Variants in CNTLN observed in about 807,000 individuals in gnomAD.
CNTLN encodes centlein.
A neutral mutation model predicts 180.0 loss-of-function variants in CNTLN; 212 were observed. That is an observed-to-expected ratio of 1.18 (90% confidence interval 1.05 to 1.32). The LOEUF (loss-of-function observed/expected upper bound fraction) is 1.32, where lower values mean the gene tolerates loss of function less well. CNTLN is among the 40% of genes most tolerant of loss of function. The pLI, the probability that CNTLN is intolerant of heterozygous loss-of-function variation, is 0.00. For synonymous variants in CNTLN, 722 were observed against 563.1 expected (o/e 1.28, Z -3.99); for missense variants, 2,095 against 1,610.9 (o/e 1.30, Z -5.14).
chr9:17,454,503 G>A (rs1394271293), intron 18 of CNTLN, among the ~76,000 whole-genome samples: 1 of 152,120 alleles, frequency 6.6e-6, no homozygotes, highest in Non-Finnish European at 1.5e-5. Flanking sequence ...GACTTAAGAC[G>A]AGCTAAAGTT....
intron 6 of CNTLN, among the ~76,000 whole-genome samples, chr9:17,293,139 T>A (rs1222792196): frequency 6.6e-6 from 1 of 152,218 alleles, no homozygotes; most frequent in Non-Finnish European, 1.5e-5. Context: ...GGCTGCCTGC[T>A]ACTTCCTCTG....
At chr9:17,331,893 T>C (rs1440419029) in intron 9 of CNTLN, among the ~76,000 whole-genome samples, 1 of 152,002 alleles carries the variant, frequency 6.6e-6, no homozygotes, top group Non-Finnish European at 1.5e-5. Flanking sequence ...TAAAAATGTA[T>C]GACTTTGACT....
intron 1 of CNTLN, among the ~76,000 whole-genome samples, chr9:17,138,971 T>A (rs1353509479): frequency 6.6e-6 from 1 of 152,232 alleles, no homozygotes; most frequent in East Asian, 1.9e-4. Context: ...AACTGTTTCA[T>A]AGCCCAAGTT....
At chr9:17,455,672 A>C (rs1332851275) in intron 18 of CNTLN, among the ~76,000 whole-genome samples, 2 of 152,194 alleles carry the variant, frequency 1.3e-5, no homozygotes, top group Non-Finnish European at 2.9e-5. Context: ...CAGCAGAAAG[A>C]AACACCACGT....
intron 3 of CNTLN, among the ~76,000 whole-genome samples, chr9:17,229,745 C>T (rs1188964078): frequency 6.6e-6 from 1 of 151,976 alleles, no homozygotes; most frequent in Admixed American, 6.6e-5. Flanking sequence ...AACGTGTGTA[C>T]CATGGGTAGC....
At chr9:17,261,235 T>A (rs1474723939) in intron 5 of CNTLN, among the ~76,000 whole-genome samples, 6 of 151,516 alleles carry the variant, frequency 4.0e-5, no homozygotes, top group African/African-American at 1.5e-4. Flanking sequence ...TTGGTAAGAA[T>A]AGCATCGAAT....
At chr9:17,475,190 A>G (rs112403570) in intron 23 of CNTLN, among the ~76,000 whole-genome samples, 4,070 of 152,230 alleles carry the variant, frequency 0.027, 84 homozygotes, top group Non-Finnish European at 0.038. Context: ...AATTTCAAAC[A>G]TATGAAACAA....
At chr9:17,354,173 C>G (rs566725298) in intron 12 of CNTLN, among the ~76,000 whole-genome samples, 1 of 152,190 alleles carries the variant, frequency 6.6e-6, no homozygotes, top group Non-Finnish European at 1.5e-5. Context: ...GCCTTCCCGC[C>G]GGGCAGGGCT....
At chr9:17,270,363 T>C (rs965529109) in intron 5 of CNTLN, among the ~76,000 whole-genome samples, 2 of 152,304 alleles carry the variant, frequency 1.3e-5, no homozygotes, top group Non-Finnish European at 2.9e-5. Context: ...TCTGACTCTA[T>C]TGGCATCTTC....
At chr9:17,290,870 C>T (rs1016067011) in intron 6 of CNTLN, among the ~76,000 whole-genome samples, 9 of 152,338 alleles carry the variant, frequency 5.9e-5, no homozygotes, top group South Asian at 2.1e-4. Context: ...CTTCGGCTCG[C>T]GCATGGTGCG....
intron 6 of CNTLN, among the ~76,000 whole-genome samples, chr9:17,281,434 C>T (rs1481075105): frequency 1.3e-5 from 2 of 151,910 alleles, no homozygotes; most frequent in African/African-American, 4.8e-5. Flanking sequence ...TGATGTTCTC[C>T]CTCTCCCCGC....
the CNTLN span, among the ~76,000 whole-genome samples, chr9:17,521,474 C>CT: frequency 1.1e-4 from 16 of 152,116 alleles, no homozygotes; most frequent in South Asian, 2.1e-4. Flanking sequence ...TTGAATAATT[C>CT]TTTTTTTCCC....
intron 7 of CNTLN, chr9:17,298,959 A>G: frequency 1.0e-6 from 1 of 984,806 alleles, no homozygotes; most frequent in South Asian, 4.7e-5. Flanking sequence ...AAATACCTTT[A>G]TTGGCCGGGC....
At chr9:17,320,564 G>A (rs550152105) in intron 8 of CNTLN, among the ~76,000 whole-genome samples, 2 of 152,114 alleles carry the variant, frequency 1.3e-5, no homozygotes, top group African/African-American at 4.8e-5. Flanking sequence ...GTGCAATGAC[G>A]TGATCTTGGT....
chr9:17,394,013 G>C (rs1826303442), intron 14 of CNTLN, among the ~76,000 whole-genome samples: 1 of 151,920 alleles, frequency 6.6e-6, no homozygotes, highest in African/African-American at 2.4e-5. Flanking sequence ...TTATTATTTA[G>C]TAAACTGTTC....
chr9:17,321,053 T>C (rs1294703516), intron 8 of CNTLN, among the ~76,000 whole-genome samples: 1 of 152,202 alleles, frequency 6.6e-6, no homozygotes, highest in African/African-American at 2.4e-5. Context: ...ATTCCTTTAT[T>C]ATCTCTTTGG....
intron 11 of CNTLN, among the ~76,000 whole-genome samples, chr9:17,341,999 A>G (rs1821517781): frequency 6.6e-6 from 1 of 152,140 alleles, no homozygotes; most frequent in African/African-American, 2.4e-5. Flanking sequence ...TTGGTTGCAT[A>G]TAGATTTTTT....
At chr9:17,508,576 C>A (rs1360600128), downstream of CNTLN, among the ~76,000 whole-genome samples, 5 of 152,184 alleles carry the variant, frequency 3.3e-5, no homozygotes. Flanking sequence ...TCACACCCTC[C>A]CTTTAACTCT....
intron 5 of CNTLN, among the ~76,000 whole-genome samples, chr9:17,261,517 G>A (rs1247208292): frequency 6.6e-6 from 1 of 151,426 alleles, no homozygotes; most frequent in Non-Finnish European, 1.5e-5. Context: ...TTTGTGCATT[G>A]ATTTTTGTAT....
Sources: gnomAD v4.1 joint callset for allele counts (sites outside exome capture counted in the v4.1 genomes callset) on GRCh38, gnomAD v4.1.1 for gene constraint, MANE v1.5 for transcripts, NCBI Gene and HGNC (gene_info 2026-07-23, HGNC 2026-07-21) for gene names.